FAM186B: variants seen among roughly 807,000 people sequenced by gnomAD.
FAM186B encodes the protein protein FAM186B.
Under a neutral mutation model 83.4 loss-of-function variants are expected in FAM186B, and 68 were observed. The observed-to-expected ratio is 0.81, with a 90% confidence interval of 0.67 to 1.00. The LOEUF is 1.00. FAM186B is among the 50% of genes least tolerant of loss of function. The pLI is 0.00. For missense variants in FAM186B, 983 were observed against 1,099.2 expected (o/e 0.89, Z 1.49); for synonymous variants, 389 against 422.0 (o/e 0.92, Z 0.96).
In FAM186B at chr12:49,600,453, G is replaced by C. The variant is rs1939857322; in HGVS notation, c.1187C>G (p.Thr396Ser). 3.7e-6 allele frequency: 6 copies of C among 1,613,438 alleles called. No homozygotes were observed. Among genetic ancestry groups the C allele is most frequent in the Non-Finnish European group, 5.1e-6 (6 of 1,179,640 alleles). Residue 396 changes from threonine (T) to serine (S), a missense_variant, in exon 4 of 7, where the codon ACT becomes AGT. Transcript: ENST00000257894. The surrounding 1 kb of genome is among the most constrained non-coding windows in gnomAD (Gnocchi z 4.3). ...CACATCTGCGACCCTCGAGCGCACA[G>C]TCATGGTGGAAAGTGGCTGGTGCCC... ...AAGHQPLSTM[T>S]VRSRVADVFG...
At chr12:49,595,507 A>G in intron 5 of FAM186B, 1 of 466,234 alleles carries the variant, frequency 2.1e-6, no homozygotes, top group Non-Finnish European at 4.3e-6. Context: ...CCCGCTTGCT[A>G]AGGACAAAAT....
Position 49,600,773 on chromosome 12 carries a change from C to A in FAM186B, c.867G>T (p.Arg289Ser). The change falls in exon 4 of 7, where the codon AGG (arginine) becomes AGT (serine). Residue 289 changes from arginine (R) to serine (S), a missense_variant. Coordinates refer to ENST00000257894, the MANE Select transcript of FAM186B (RefSeq NM_032130.3). This position sits in a 1 kb window ranked among gnomAD's most constrained non-coding sequence, Gnocchi z 4.3. ...CTACCTGCTTCAGCAGAGCATCCCT[C>A]CTGCTCTCAAGGACCTCCATGAACT... ...FQQFMEVLES[R>S]RDALLKQVEI... 6.2e-7 allele frequency: 1 copy of A among 1,613,530 alleles called. No homozygotes were observed. Among genetic ancestry groups the A allele is most frequent in the Non-Finnish European group, 8.5e-7 (1 of 1,179,552 alleles).
the FAM186B span, among the ~76,000 whole-genome samples, chr12:49,621,464 G>A: frequency 2.0e-5 from 3 of 152,196 alleles, no homozygotes; most frequent in East Asian, 1.9e-4. Context: ...GCAGCAAGGT[G>A]AGGGGATGAA....
At chr12:49,597,388 A>G (rs1228062614) in intron 5 of FAM186B, among the ~76,000 whole-genome samples, 7 of 151,134 alleles carry the variant, frequency 4.6e-5, no homozygotes, top group Non-Finnish European at 8.9e-5. Flanking sequence ...GATCTCACTT[A>G]TATGTGAAAT....
chr12:49,612,692 A>G, the FAM186B span, among the ~76,000 whole-genome samples: 1 of 152,128 alleles, frequency 6.6e-6, no homozygotes, highest in Non-Finnish European at 1.5e-5. Flanking sequence ...ACTATTCTAA[A>G]TATATATATG....
chr12:49,589,560 G>C (rs777278786), intron 5 of FAM186B, among the ~76,000 whole-genome samples: 2 of 151,912 alleles, frequency 1.3e-5, no homozygotes, highest in Non-Finnish European at 2.9e-5. Context: ...ATTATTAATC[G>C]TCCCAAAGGG....
chr12:49,586,884 G>A (rs1031935340), downstream of FAM186B, among the ~76,000 whole-genome samples: 20 of 152,206 alleles, frequency 1.3e-4, no homozygotes, highest in Non-Finnish European at 7.3e-5. Context: ...TCCAGTTGGA[G>A]GATGGGAGAA....
At chr12:49,603,021 G>C (rs907866132) in intron 3 of FAM186B, among the ~76,000 whole-genome samples, 164 bp downstream of exon 3, 1 of 152,098 alleles carries the variant, frequency 6.6e-6, no homozygotes, top group African/African-American at 2.4e-5. Flanking sequence ...TCAGTGCTTG[G>C]CCTGGGCTCA....
At chr12:49,613,562 G>A in the FAM186B span, among the ~76,000 whole-genome samples, 114 of 148,254 alleles carry the variant, frequency 7.7e-4, no homozygotes, top group African/African-American at 2.5e-3. Flanking sequence ...CAAATTGGCC[G>A]GGCGCAGTGA....
intron 3 of FAM186B, 65 bp downstream of exon 3, chr12:49,603,120 C>T: frequency 6.4e-7 from 1 of 1,570,386 alleles, no homozygotes; most frequent in Non-Finnish European, 8.8e-7. Flanking sequence ...CAGCCTCTGA[C>T]TTCCCCTGCC....
downstream of FAM186B, among the ~76,000 whole-genome samples, chr12:49,585,031 G>GT (rs765540683): frequency 6.6e-6 from 1 of 151,970 alleles, no homozygotes; most frequent in East Asian, 1.9e-4. Flanking sequence ...GTTTTGTTTT[G>GT]TTTTTTAAGA....
chr12:49,588,659 G>T, intron 5 of FAM186B, 36 bp from the exon 6 acceptor site: 1 of 1,538,342 alleles, frequency 6.5e-7, no homozygotes, highest in Non-Finnish European at 8.8e-7. Flanking sequence ...AGGGAAACAG[G>T]AAGTTATCTC....
chr12:49,585,150 C>T (rs1939414125), downstream of FAM186B, among the ~76,000 whole-genome samples: 2 of 152,198 alleles, frequency 1.3e-5, no homozygotes, highest in Admixed American at 1.3e-4. Context: ...TCCTGAGTAG[C>T]TGGGACTACA....
At position 49,599,477 on chromosome 12, in the gene FAM186B, C is replaced by G; in HGVS notation, c.2163G>C (p.Gln721His). 6.5e-7 allele frequency: 1 copy of G among 1,533,262 alleles called. No homozygotes were observed. Among genetic ancestry groups the G allele is most frequent in the South Asian group, 1.3e-5 (1 of 76,410 alleles). 95.0% of individuals were successfully genotyped at this position (1,533,262 alleles called of 1,614,324 possible). Residue 721 changes from glutamine to histidine, a missense_variant, in exon 4 of 7, where the codon CAG becomes CAC. By Grantham distance (24) the Gln-to-His change is conservative. Transcript: ENST00000257894. The part of the protein sequence containing the change: ...CHKYIFYRRL[Q>H]SLRQEAINHV... ...TTCCAGGGAGGACCTACCGGAGGCTCTGGAGGCGTCTATAGAAGATGTACT... is the reference window on the plus strand; with the variant it reads ...TTCCAGGGAGGACCTACCGGAGGCTGTGGAGGCGTCTATAGAAGATGTACT...
At position 49,600,492 on chromosome 12, in the gene FAM186B, C is replaced by A. The variant is rs769253692; in HGVS notation, c.1148G>T (p.Gly383Val). The A allele has an allele frequency of 3.7e-6, 6 of 1,613,976 alleles. No homozygotes were observed. In the East Asian group the frequency reaches 8.9e-5, roughly 24 times the overall value. ...PSPMAMIRDS[G>V]AIAAGHQPLS... ...TGGCTGGTGCCCTGCAGCTATAGCA[C>A]CACTGTCCCGTATCATGGCCATGGG... Residue 383 changes from glycine (G) to valine (V), a missense_variant, in exon 4 of 7, where the codon GGT becomes GTT. Physicochemically the swap from Gly to Val is moderately radical, Grantham distance 109. Transcript: ENST00000257894. This position sits in a 1 kb window ranked among gnomAD's most constrained non-coding sequence, Gnocchi z 4.3.
the FAM186B span, chr12:49,619,642 A>C: frequency 2.6e-6 from 1 of 381,516 alleles, no homozygotes; most frequent in Non-Finnish European, 5.2e-6. Context: ...GTTTTGTTGG[A>C]GGAGCTTACT....
At chr12:49,611,581 C>T in the FAM186B span, among the ~76,000 whole-genome samples, 20 of 139,112 alleles carry the variant, frequency 1.4e-4, no homozygotes, top group African/African-American at 5.2e-4. Flanking sequence ...AAAATGTAGG[C>T]CGGGCGCAGT....
the FAM186B span, among the ~76,000 whole-genome samples, chr12:49,615,952 AGGAAGATTTTGGG>A: frequency 3.7e-3 from 565 of 152,246 alleles, 1 homozygote; most frequent in African/African-American, 0.013. Context: ...CCAAGTGTTG[AGGAAGATTTTGGG>A]AAAGTGAAAC....
At chr12:49,588,087 G>A (rs1489955751) in intron 6 of FAM186B, among the ~76,000 whole-genome samples, 4 of 152,262 alleles carry the variant, frequency 2.6e-5, no homozygotes, top group Non-Finnish European at 5.9e-5. Context: ...TCCAGAGCCT[G>A]CAGGTCACAT....
Sources: allele counts gnomAD v4.1 joint callset (sites outside exome capture counted in the v4.1 genomes callset), GRCh38; gene constraint gnomAD v4.1.1; non-coding constraint Gnocchi (gnomAD v3.1); transcripts MANE v1.5; gene names NCBI Gene and HGNC (gene_info 2026-07-23, HGNC 2026-07-21).